ZNF654: variants seen among roughly 807,000 people sequenced by gnomAD.
The protein encoded by ZNF654 is zinc finger protein 654, also known as melanoma-associated antigen.
Under a neutral mutation model 95.3 loss-of-function variants are expected in ZNF654, and 19 were observed. That is an observed-to-expected ratio of 0.20 (90% CI 0.14 to 0.29). The LOEUF is 0.29. Among genes scored for constraint, ZNF654 ranks in the 10% least tolerant of loss-of-function variants. The pLI, the probability that ZNF654 is intolerant of heterozygous loss-of-function variation, is 1.00. For missense variants in ZNF654, 1,046 were observed against 1,341.0 expected, an observed-to-expected ratio of 0.78 and a Z score of 3.44; for synonymous variants, 413 against 457.9, an observed-to-expected ratio of 0.90 and a Z score of 1.25.
chr3:88,069,404 A>G (rs562194892), intron 1 of ZNF654, among the ~76,000 whole-genome samples: 3 of 152,332 alleles, frequency 2.0e-5, no homozygotes, highest in African/African-American at 7.2e-5. Flanking sequence ...CCTGGGTGAC[A>G]AAGTGAGACT....
chr3:88,130,617 A>ATTTTT (rs10674029), intron 6 of ZNF654, among the ~76,000 whole-genome samples: 34 of 129,174 alleles, frequency 2.6e-4, no homozygotes, highest in African/African-American at 6.4e-4. Context: ...TGCCCAGCTA[A>ATTTTT]TTTTTTTTTT....
chr3:88,126,285 C>CA lies in ZNF654; in HGVS notation c.550+20dup. On this transcript the variant is annotated intron_variant, in intron 4 of 8. Coordinates refer to ENST00000636215, the MANE Select transcript of ZNF654 (RefSeq NM_001350134.2). ...CAGGAGATAGGTACTTCAGGAGATT[C>CA]AAAATCAAACCAACATTTGTGAGAA... 6.9e-7 allele frequency: 1 copy of CA among 1,458,650 alleles called. No homozygotes were observed. Among genetic ancestry groups the CA allele is most frequent in the Non-Finnish European group, 9.0e-7 (1 of 1,106,954 alleles). The allele number at this position is 1,458,650 out of a possible 1,614,324, so 90.4% of individuals were successfully genotyped here.
intron 1 of ZNF654, among the ~76,000 whole-genome samples, chr3:88,067,585 T>G (rs1367241239): frequency 6.6e-6 from 1 of 152,162 alleles, no homozygotes; most frequent in East Asian, 1.9e-4. Context: ...TTAAAGAGGT[T>G]TCAGAAACCC....
intron 3 of ZNF654, among the ~76,000 whole-genome samples, chr3:88,119,656 C>T (rs1011548923): frequency 2.0e-5 from 3 of 151,788 alleles, no homozygotes; most frequent in African/African-American, 7.3e-5. Context: ...TCTGCTAAAT[C>T]AAATTTTATA....
At chr3:88,111,940 C>A (rs1705112792) in intron 2 of ZNF654, among the ~76,000 whole-genome samples, 1 of 151,776 alleles carries the variant, frequency 6.6e-6, no homozygotes, top group Non-Finnish European at 1.5e-5. Context: ...AAAACAAATC[C>A]ACTTGCATTT....
intron 2 of ZNF654, among the ~76,000 whole-genome samples, chr3:88,099,387 A>G (rs1704263455): frequency 6.6e-6 from 1 of 152,202 alleles, no homozygotes; most frequent in Non-Finnish European, 1.5e-5. Flanking sequence ...ATATTGTGAA[A>G]ACGGCCATAC....
intron 2 of ZNF654, among the ~76,000 whole-genome samples, chr3:88,090,199 A>G (rs1280688644): frequency 6.6e-6 from 1 of 152,184 alleles, no homozygotes; most frequent in Non-Finnish European, 1.5e-5. Context: ...GTTCTTCTGA[A>G]GGCATTCCAG....
intron 6 of ZNF654, among the ~76,000 whole-genome samples, chr3:88,132,517 CA>C (rs1448276586): frequency 2.6e-5 from 4 of 152,100 alleles, no homozygotes; most frequent in Non-Finnish European, 5.9e-5. Context: ...TGTTTTCCTT[CA>C]GAATCCACTG....
At chr3:88,122,897 C>G (rs1705858569) in intron 3 of ZNF654, among the ~76,000 whole-genome samples, 1 of 151,270 alleles carries the variant, frequency 6.6e-6, no homozygotes, top group Admixed American at 6.6e-5. Context: ...GTAATCTCAG[C>G]TACTCAGGAG....
At chr3:88,073,477 T>C (rs1248674858) in intron 1 of ZNF654, among the ~76,000 whole-genome samples, 1 of 152,178 alleles carries the variant, frequency 6.6e-6, no homozygotes, top group Non-Finnish European at 1.5e-5. Flanking sequence ...ATAAAAAAAG[T>C]AAGCTATCGA....
Position 88,141,640 on chromosome 3 carries a change from T to C in ZNF654, c.3380-5T>C. ...TTGCATTAACAGATGTGTTCTGTTT[T>C]ACAGGTGCCTGATGAAAACGGTTCA... On this transcript the variant is annotated splice_polypyrimidine_tract_variant and splice_region_variant and intron_variant, in intron 8 of 8. Coordinates refer to ENST00000636215, the MANE Select transcript of ZNF654 (RefSeq NM_001350134.2). The C allele has an allele frequency of 6.6e-7, 1 of 1,507,494 alleles. No individual in the cohort carries two copies. Among genetic ancestry groups the C allele is most frequent in the Non-Finnish European group, 9.0e-7 (1 of 1,114,512 alleles). The allele number at this position is 1,507,494 out of a possible 1,614,324, so 93.4% of individuals were successfully genotyped here.
At position 88,143,254 on chromosome 3, in the gene ZNF654, T is replaced by C. The variant is rs1707212130; in HGVS notation, c.*1602T>C. ...TTTTTTAATTTCCCGGTTTTATTGG[T>C]TTATCATCAGCATTCACTACTATGC... On this transcript the variant is annotated 3_prime_UTR_variant, in exon 9 of 9. Transcript: ENST00000636215. 1 of 152,198 alleles carries C rather than the reference T, an allele frequency of 6.6e-6. No homozygotes were observed. The highest frequency in any genetic ancestry group is 1.5e-5 in the Non-Finnish European group (1 of 67,730). 9.4% of individuals were successfully genotyped at this position (152,198 alleles called of 1,614,324 possible).
At position 88,139,347 on chromosome 3, in the gene ZNF654, G is replaced by A. The variant is rs1326462388; in HGVS notation, c.1678G>A (p.Val560Ile). 4 of 1,610,960 alleles carry A rather than the reference G, an allele frequency of 2.5e-6. No individual in the cohort carries two copies. The highest frequency in any genetic ancestry group is 3.4e-6 in the Non-Finnish European group (4 of 1,178,940). ...CAAGGAATTTTTAGGTGGTCACATT[G>A]TAAGGCATGCCCAGGCTCATCAGAA... ...CNKEFLGGHI[V>I]RHAQAHQKKG... is the part of the protein sequence containing the mutation. The change falls in exon 8 of 9, where the codon GTA becomes ATA. Residue 560 changes from valine to isoleucine, a missense_variant. Transcript: ENST00000636215.
intron 1 of ZNF654, among the ~76,000 whole-genome samples, chr3:88,060,379 T>C (rs147125856): frequency 6.6e-6 from 1 of 152,340 alleles, no homozygotes; most frequent in Non-Finnish European, 1.5e-5. Context: ...CCTACTTTTT[T>C]AGGGGTAAAG....
At chr3:88,113,254 C>T in intron 3 of ZNF654, 58 bp downstream of exon 3, 1 of 1,050,524 alleles carries the variant, frequency 9.5e-7, no homozygotes, top group South Asian at 1.5e-5. Flanking sequence ...CCATTATGCT[C>T]CCCCTAAATA....
chr3:88,122,773 A>G (rs972038632), intron 3 of ZNF654, among the ~76,000 whole-genome samples: 2 of 151,944 alleles, frequency 1.3e-5, no homozygotes, highest in African/African-American at 4.8e-5. Flanking sequence ...ACTTTGGGAA[A>G]CCGAGGTGGG....
Position 88,087,155 on chromosome 3 carries a change from C to T in ZNF654, c.332+753C>T, listed in dbSNP as rs150864553. Among the ~76,000 whole-genome samples, 1,138 of 151,898 alleles carry T rather than the reference C, an allele frequency of 7.5e-3. 12 individuals carry two copies. Among genetic ancestry groups the T allele is most frequent in the Non-Finnish European group, 0.012 (794 of 67,960 alleles). ...GTGCAGTGGTGTGATCTTGGTTCAC[C>T]GCAACCTCTACCTCCCAGGTTCAAG... On this transcript the variant is annotated intron_variant, in intron 2 of 8. Transcript: ENST00000636215.
chr3:88,087,019 T>G (rs1215923934), intron 2 of ZNF654, among the ~76,000 whole-genome samples: 1 of 152,142 alleles, frequency 6.6e-6, no homozygotes, highest in Non-Finnish European at 1.5e-5. Context: ...CCTGACCTCG[T>G]GATCTGCCTA....
intron 6 of ZNF654, among the ~76,000 whole-genome samples, chr3:88,131,468 G>A (rs1018240500): frequency 2.6e-5 from 4 of 152,104 alleles, no homozygotes; most frequent in Non-Finnish European, 5.9e-5. Flanking sequence ...GGTATCTTTA[G>A]TTCTTTCATT....
Sources: gnomAD v4.1 joint callset for allele counts (sites outside exome capture counted in the v4.1 genomes callset) on GRCh38, gnomAD v4.1.1 for gene constraint, MANE v1.5 for transcripts, NCBI Gene and HGNC (gene_info 2026-07-23, HGNC 2026-07-21) for gene names.